The following MICALL1 variants were observed in gnomAD, a reference collection of about 807,000 sequenced individuals.
MICALL1 encodes MICAL like 1.
A neutral mutation model predicts 83.7 loss-of-function variants in MICALL1; 61 were observed. The ratio of observed to expected loss-of-function variants is 0.73; its 90% CI spans 0.59 to 0.90. The LOEUF (loss-of-function observed/expected upper bound fraction) is 0.90, where lower values mean the gene tolerates loss of function less well. Ranked by LOEUF, MICALL1 falls within the 40% of genes least tolerant of loss-of-function variation. The pLI is 0.00. For missense variants in MICALL1, 1,066 were observed against 1,152.0 expected (o/e 0.93, Z 1.08); for synonymous variants, 481 against 473.6 (o/e 1.02, Z -0.20).
intron 1 of MICALL1, among the ~76,000 whole-genome samples, chr22:37,908,682 A>C (rs192811436): frequency 6.6e-6 from 1 of 152,194 alleles, no homozygotes; most frequent in African/African-American, 2.4e-5. Context: ...GTACCTGGTA[A>C]TGGAAGTACC....
chr22:37,915,690 G>A (rs5756849), intron 3 of MICALL1, among the ~76,000 whole-genome samples: 2 of 146,342 alleles, frequency 1.4e-5, no homozygotes, highest in East Asian at 2.0e-4. Flanking sequence ...GTGTCATCCA[G>A]GCTGGAGCTC....
rs369045128 is a variant in MICALL1, at chr22:37,911,964, G to C, written c.159G>C (p.Ser53=). The change falls in exon 2 of 16, where the codon TCG becomes TCC. Residue 53 remains serine, a synonymous_variant. Transcript: ENST00000215957. ...TTGCCTCTTGCAGAGATTTTGATTC[G>C]CTTTCCAAGGACAATGTCTTCGAGA... ...RHRPDLLDFD[S]LSKDNVFENN... 2 of 1,614,054 alleles carry C rather than the reference G, an allele frequency of 1.2e-6. No individual in the cohort carries two copies. The highest frequency in any genetic ancestry group is 1.1e-5 in the South Asian group (1 of 91,070).
chr22:37,938,686 G>A (rs1569151490), intron 15 of MICALL1, among the ~76,000 whole-genome samples: 2 of 149,102 alleles, frequency 1.3e-5, no homozygotes, highest in African/African-American at 2.5e-5. Flanking sequence ...GCAGTGGTAC[G>A]ATCTCAGCTC....
intron 15 of MICALL1, among the ~76,000 whole-genome samples, chr22:37,940,207 C>T (rs1236583716): frequency 2.6e-5 from 4 of 152,022 alleles, no homozygotes; most frequent in Non-Finnish European, 5.9e-5. Context: ...GGGGGGATCA[C>T]GAGGTCAGGA....
In MICALL1 at chr22:37,940,736, G is replaced by C. The variant is rs1422227417; in HGVS notation, c.2498G>C (p.Gly833Ala). The change falls in exon 16 of 16, where the codon GGC (glycine) becomes GCC (alanine). Residue 833 changes from glycine (G) to alanine (A), a missense_variant. Coordinates refer to ENST00000215957, the MANE Select transcript of MICALL1 (RefSeq NM_033386.4). Reference sequence around the variant, plus strand: ...TTCCAGAGGGAGGCTGAACCTGAGGGCAAGAAGAAGGGGAAGTTCAAGACC... The same window carrying C: ...TTCCAGAGGGAGGCTGAACCTGAGGCCAAGAAGAAGGGGAAGTTCAAGACC... ...KEFQREAEPE[G>A]KKKGKFKTMK... 1 of 1,614,020 alleles carries C rather than the reference G, an allele frequency of 6.2e-7. No individual in the cohort carries two copies. Among genetic ancestry groups the C allele is most frequent in the East Asian group, 2.2e-5 (1 of 44,876 alleles).
Position 37,914,540 on chromosome 22 carries a change from T to TTA in MICALL1, c.337+2060_337+2061dup, listed in dbSNP as rs537663997. On this transcript the variant is annotated intron_variant, in intron 3 of 15. Transcript: ENST00000215957. ...CTGCACCCAGCCATCTTTTCTTTCA[T>TTA]TATATATATATATGTATATATATAC... Among the ~76,000 whole-genome samples the TTA allele has an allele frequency of 4.5e-3, 683 of 150,604 alleles. 3 individuals are homozygous for TTA. The highest frequency in any genetic ancestry group is 0.01 in the Middle Eastern group (3 of 286).
In MICALL1 at chr22:37,930,284, C is replaced by A. The variant is rs1601829044; in HGVS notation, c.1882-1515C>A. Among the ~76,000 whole-genome samples, 1 of 152,310 alleles carries A rather than the reference C, an allele frequency of 6.6e-6. No individual in the cohort carries two copies. Among genetic ancestry groups the A allele is most frequent in the African/African-American group, 2.4e-5 (1 of 41,566 alleles). On this transcript the variant is annotated intron_variant, in intron 9 of 15. Transcript: ENST00000215957. The surrounding 1 kb of genome is among the most constrained non-coding windows in gnomAD (Gnocchi z 4.8). ...TTGCTTGTGGGGAACCCCTGTCCCA[C>A]TGTCACCCCAGGATTAGGGGAGACT...
intron 3 of MICALL1, among the ~76,000 whole-genome samples, chr22:37,915,818 T>C (rs1928641681): frequency 6.6e-6 from 1 of 151,996 alleles, no homozygotes; most frequent in African/African-American, 2.4e-5. Flanking sequence ...GCTTAATTTT[T>C]GTATTTTTAG....
intron 6 of MICALL1, among the ~76,000 whole-genome samples, chr22:37,923,181 T>G (rs1323627356): frequency 6.6e-6 from 1 of 151,890 alleles, no homozygotes; most frequent in African/African-American, 2.4e-5. Context: ...TCTGCCCACC[T>G]CAGCCTCTCA....
At position 37,932,608 on chromosome 22, in the gene MICALL1, T is replaced by C. The variant is rs374260704; in HGVS notation, c.2072T>C (p.Ile691Thr). ...GACATCCATGGAGAGATGGATACCA[T>C]TGAGCGCCGGCTGGATGCCCTGGAG... Reference protein sequence around the residue: ...EEDIHGEMDTIERRLDALEHR... With the variant: ...EEDIHGEMDTTERRLDALEHR... Residue 691 changes from isoleucine (I) to threonine (T), a missense_variant, in exon 11 of 16, where the codon ATT becomes ACT. Coordinates refer to ENST00000215957, the MANE Select transcript of MICALL1 (RefSeq NM_033386.4). The surrounding 1 kb of genome is among the most constrained non-coding windows in gnomAD (Gnocchi z 4.4). The C allele has an allele frequency of 5.8e-5, 94 of 1,614,144 alleles. No individual in the cohort carries two copies. Among genetic ancestry groups the C allele is most frequent in the Admixed American group, 5.3e-4 (32 of 60,024 alleles).
rs3026631 is a variant in MICALL1, at chr22:37,936,980, A to G, written c.2309-100A>G. On this transcript the variant is annotated intron_variant, in intron 13 of 15. Transcript: ENST00000215957. The stretch of plus-strand genomic sequence containing the variant: ...CTTAGTTTCTTGCATGGTATTTAGC[A>G]TGGGGCTGGCCTGCCGCACTTAGGC... The G allele has an allele frequency of 7.7e-4, 700 of 905,684 alleles. 3 individuals carry two copies. In the African/African-American group the frequency reaches 0.011, roughly 14 times the overall value. The allele number at this position is 905,684 out of a possible 1,614,324, so 56.1% of individuals were successfully genotyped here. A position where few individuals can be genotyped will look rare whatever the true frequency, so the allele number is the denominator to read the frequency against.
At chr22:37,934,117 G>A (rs1183750889) in intron 13 of MICALL1, among the ~76,000 whole-genome samples, 1 of 152,236 alleles carries the variant, frequency 6.6e-6, no homozygotes, top group Non-Finnish European at 1.5e-5. Context: ...CGGCTCCTCT[G>A]CCTCCCTGGC....
chr22:37,927,624 T>C lies in MICALL1; in HGVS notation c.1679T>C (p.Leu560Pro). The part of the protein sequence containing the change: ...NPVSLSTNSS[L>P]ASSGELVEPR... The stretch of plus-strand genomic sequence containing the variant: ...GTCAGCCTCTCTACCAACTCCTCCC[T>C]GGCCTCCTCTGGGGAACTAGTGGAG... Residue 560 changes from leucine to proline, a missense_variant, in exon 9 of 16, where the codon CTG becomes CCG. Transcript: ENST00000215957. 2 of 1,614,062 alleles carry C rather than the reference T, an allele frequency of 1.2e-6. No homozygotes were observed. The highest frequency in any genetic ancestry group is 1.1e-5 in the South Asian group (1 of 91,084).
At chr22:37,928,712 TC>T (rs959952080) in intron 9 of MICALL1, among the ~76,000 whole-genome samples, 6 of 152,144 alleles carry the variant, frequency 3.9e-5, no homozygotes, top group Admixed American at 3.3e-4. Flanking sequence ...TTGCCTCCCA[TC>T]CCCTCCACTT....
intron 3 of MICALL1, among the ~76,000 whole-genome samples, chr22:37,917,095 C>T (rs978642934): frequency 7.2e-5 from 11 of 152,202 alleles, no homozygotes; most frequent in Admixed American, 5.9e-4. Context: ...TGGTCTTGAA[C>T]TCCTGACCTC....
Position 37,914,073 on chromosome 22 carries a change from G to A in MICALL1, c.337+1581G>A, listed in dbSNP as rs181963472. On this transcript the variant is annotated intron_variant, in intron 3 of 15. Coordinates refer to ENST00000215957, the MANE Select transcript of MICALL1 (RefSeq NM_033386.4). ...GTATTTTTAGTAGAGATGGGGTTTC[G>A]CCACTTTGGCCAGGCTGGTCTCAAA... Among the ~76,000 whole-genome samples, 485 of 151,304 alleles carry A rather than the reference G, an allele frequency of 3.2e-3. 1 individual carries two copies. Among genetic ancestry groups the A allele is most frequent in the Non-Finnish European group, 4.9e-3 (331 of 67,830 alleles).
intron 3 of MICALL1, among the ~76,000 whole-genome samples, chr22:37,913,985 C>T (rs1175825367): frequency 6.6e-6 from 1 of 150,998 alleles, no homozygotes; most frequent in Non-Finnish European, 1.5e-5. Flanking sequence ...AAGTGATTCT[C>T]CTGCTTCAGC....
intron 5 of MICALL1, among the ~76,000 whole-genome samples, chr22:37,920,188 T>A (rs1021830175): frequency 1.3e-5 from 2 of 151,942 alleles, no homozygotes; most frequent in Non-Finnish European, 2.9e-5. Context: ...GGAAGCCAGA[T>A]TTTAAGAGAG....
rs1402757651 is a variant in MICALL1, at chr22:37,919,110, C to T, written c.501C>T (p.Cys167=). 1.9e-6 allele frequency: 3 copies of T among 1,551,752 alleles called. No individual in the cohort carries two copies. The highest frequency in any genetic ancestry group is 2.6e-6 in the Non-Finnish European group (3 of 1,147,470). ...GQTPSSTCAA[C]QQHVHLVQRY... The stretch of plus-strand genomic sequence containing the variant: ...CCCCCAGCAGCACGTGCGCAGCCTG[C>T]CAGCAGCATGTGCACTTGGTGCAGC... The change falls in exon 5 of 16, where the codon TGC becomes TGT. Residue 167 remains cysteine, a synonymous_variant. Coordinates refer to ENST00000215957, the MANE Select transcript of MICALL1 (RefSeq NM_033386.4).
Sources: allele counts gnomAD v4.1 joint callset (sites outside exome capture counted in the v4.1 genomes callset), GRCh38; gene constraint gnomAD v4.1.1; non-coding constraint Gnocchi (gnomAD v3.1); transcripts MANE v1.5; gene names NCBI Gene and HGNC (gene_info 2026-07-23, HGNC 2026-07-21).